EVI5L: variants seen among roughly 807,000 people sequenced by gnomAD.
The protein encoded by EVI5L is EVI5-like protein.
Under a neutral mutation model 106.1 loss-of-function variants are expected in EVI5L, and 30 were observed. The observed-to-expected ratio is 0.28, with a 90% CI of 0.21 to 0.38. The LOEUF is 0.38. Among genes scored for constraint, EVI5L ranks in the 10% least tolerant of loss-of-function variants. EVI5L has a pLI of 1.00. For synonymous variants in EVI5L, 489 were observed against 483.3 expected (o/e 1.01, Z -0.15); for missense variants, 809 against 1,098.0 (o/e 0.74, Z 3.72).
chr19:7,861,757 T>TC, intron 14 of EVI5L, 121 bp from the exon 15 acceptor site: 1 of 1,326,208 alleles, frequency 7.5e-7, no homozygotes, highest in Non-Finnish European at 1.0e-6. Flanking sequence ...GGGGTCGCCC[T>TC]CCCCCATCTG....
Position 7,858,407 on chromosome 19 carries a change from G to A in EVI5L, c.1374+76G>A. On this transcript the variant is annotated intron_variant, in intron 13 of 19. Coordinates refer to ENST00000538904, the MANE Select transcript of EVI5L (RefSeq NM_001159944.3). The surrounding 1 kb of genome is among the most constrained non-coding windows in gnomAD (Gnocchi z 5.7). ...GCCCCCGCCCAACGGTTTTCTTTCA[G>A]GGCTCATAATCTGCCCCGCCTCAGC... 2 of 1,473,432 alleles carry A rather than the reference G, an allele frequency of 1.4e-6. No homozygotes were observed. The highest frequency in any genetic ancestry group is 1.8e-6 in the Non-Finnish European group (2 of 1,116,830). The allele number at this position is 1,473,432 out of a possible 1,614,324, so 91.3% of individuals were successfully genotyped here.
At chr19:7,851,246 G>A (rs1434508333) in intron 6 of EVI5L, among the ~76,000 whole-genome samples, 188 bp from the exon 7 acceptor site, 1 of 152,136 alleles carries the variant, frequency 6.6e-6, no homozygotes, top group Admixed American at 6.5e-5. Context: ...CCCACCCCGT[G>A]CTACTCAAAG....
Position 7,846,794 on chromosome 19 carries a change from C to A in EVI5L, c.137+115C>A. 5.9e-6 allele frequency: 8 copies of A among 1,366,040 alleles called. No homozygotes were observed. In the East Asian group the frequency reaches 1.7e-4, roughly 30 times the overall value. The allele number at this position is 1,366,040 out of a possible 1,614,324, so 84.6% of individuals were successfully genotyped here. Reference sequence around the variant, plus strand: ...GGCCCAGTGTGTGCAATGTGACAGCCACCTCCAGATGCTGGATGAGGGACA... The same window carrying A: ...GGCCCAGTGTGTGCAATGTGACAGCAACCTCCAGATGCTGGATGAGGGACA... On this transcript the variant is annotated intron_variant, in intron 2 of 19. Transcript: ENST00000538904.
rs1182534376 is a variant in EVI5L, at chr19:7,863,709, G to A, written c.*7G>A. Reference sequence around the variant, plus strand: ...CCAGGGTCTGGACAACTGAGGCCATGCCCAGCGCGCCCGGAGTCAGGAGGC... The same window carrying A: ...CCAGGGTCTGGACAACTGAGGCCATACCCAGCGCGCCCGGAGTCAGGAGGC... On this transcript the variant is annotated 3_prime_UTR_variant, in exon 20 of 20. Transcript: ENST00000538904. The surrounding 1 kb of genome is among the most constrained non-coding windows in gnomAD (Gnocchi z 7.7). 9 of 1,456,166 alleles carry A rather than the reference G, an allele frequency of 6.2e-6. No homozygotes were observed. The Admixed American group carries it at 7.6e-5, about 12-fold the overall frequency. 90.2% of individuals were successfully genotyped at this position (1,456,166 alleles called of 1,614,324 possible).
At position 7,856,333 on chromosome 19, in the gene EVI5L, G is replaced by C. The variant is rs534688568; in HGVS notation, c.1200+265G>C. Among the ~76,000 whole-genome samples, 1 of 152,186 alleles carries C rather than the reference G, an allele frequency of 6.6e-6. No homozygotes were observed. The highest frequency in any genetic ancestry group is 1.9e-4 in the East Asian group (1 of 5,168). The stretch of plus-strand genomic sequence containing the variant: ...CCACGGGAATCCATTTGTGTTCTGT[G>C]CCCTCCCCGGCTGCACAGACGGGGA... On this transcript the variant is annotated intron_variant, in intron 11 of 19. Transcript: ENST00000538904. This position sits in a 1 kb window ranked among gnomAD's most constrained non-coding sequence, Gnocchi z 6.6.
chr19:7,836,191 C>T (rs1156335192), intron 1 of EVI5L, among the ~76,000 whole-genome samples: 1 of 151,224 alleles, frequency 6.6e-6, no homozygotes, highest in African/African-American at 2.4e-5. Flanking sequence ...GAGCCAAGAT[C>T]GTGCAACTGC....
chr19:7,852,909 C>G (rs1979325316), intron 8 of EVI5L, 177 bp from the exon 9 acceptor site: 2 of 625,628 alleles, frequency 3.2e-6, no homozygotes, highest in South Asian at 3.7e-5. Context: ...CCCCCATTCC[C>G]TCCCCTCACG....
At chr19:7,862,737 A>C (rs1332171731) in intron 17 of EVI5L, among the ~76,000 whole-genome samples, 174 of 23,200 alleles carry the variant, frequency 7.5e-3, no homozygotes, top group Middle Eastern at 0.028. Flanking sequence ...CCGCCTCCTG[A>C]CCACCCCCCC....
Position 7,858,157 on chromosome 19 carries a change from G to A in EVI5L, c.1234-34G>A. 6.5e-7 allele frequency: 1 copy of A among 1,543,936 alleles called. No homozygotes were observed. Among genetic ancestry groups the A allele is most frequent in the Non-Finnish European group, 8.7e-7 (1 of 1,143,330 alleles). On this transcript the variant is annotated intron_variant, in intron 12 of 19. Transcript: ENST00000538904. This position sits in a 1 kb window ranked among gnomAD's most constrained non-coding sequence, Gnocchi z 5.7. ...CCTTGGGTGGGAGCCGAGGGTCACG[G>A]CCTCCCCCTGCCCCCTGTCCTCGCT...
At chr19:7,854,317 C>T (rs1475283498) in intron 10 of EVI5L, among the ~76,000 whole-genome samples, 1 of 126,114 alleles carries the variant, frequency 7.9e-6, no homozygotes, top group African/African-American at 2.8e-5. Context: ...AGAAAAAAAA[C>T]ATTTATTGAG....
rs1568245581 is a variant in EVI5L, at chr19:7,862,123, C to G, written c.1646C>G (p.Ala549Gly). 6.4e-7 allele frequency: 1 copy of G among 1,565,980 alleles called. No homozygotes were observed. Residue 549 changes from alanine (A) to glycine (G), a missense_variant and splice_region_variant, in exon 16 of 20, where the codon GCC becomes GGC. By Grantham distance (60) the Ala-to-Gly change is moderately conservative. Transcript: ENST00000538904. ...CGGCTTCTCGGCTTCACCCCCCAGG[C>G]CCATCTGGCCCGCGGCGGCCGCTGG... Reference protein sequence around the residue: ...QLQELSDTWQAHLARGGRWKE... With the variant: ...QLQELSDTWQGHLARGGRWKE...
At chr19:7,839,003 A>AT (rs1491511293) in intron 1 of EVI5L, among the ~76,000 whole-genome samples, 1 of 103,822 alleles carries the variant, frequency 9.6e-6, no homozygotes. Flanking sequence ...CTCTAAAAAG[A>AT]AAAAAAAAAA....
intron 8 of EVI5L, 150 bp from the exon 9 acceptor site, chr19:7,852,936 C>A: frequency 1.4e-6 from 1 of 711,196 alleles, no homozygotes; most frequent in Non-Finnish European, 2.4e-6. Flanking sequence ...CTTTCCATTG[C>A]TCCACAAACA....
rs761828274 is a variant in EVI5L at position 7,862,260 on chromosome 19, G to A, written c.1783G>A (p.Val595Met). ...GGGCCGCGAGCTGCGGCAGCGCGTGGTGGAACTTGAGACGCAGGTGGACTC... is the reference window on the plus strand; with the variant it reads ...GGGCCGCGAGCTGCGGCAGCGCGTGATGGAACTTGAGACGCAGGTGGACTC... ...AEGRELRQRV[V>M]ELETQDHIHR... Residue 595 changes from valine (V) to methionine (M), a missense_variant, in exon 16 of 20, where the codon GTG (valine) becomes ATG (methionine). Around this residue, in one of 2 missense-constraint regions of EVI5L, gnomAD observed 452 missense variants for 509.9 expected, o/e 0.89. Transcript: ENST00000538904. The A allele has an allele frequency of 1.9e-6, 3 of 1,579,780 alleles. No individual in the cohort carries two copies. The highest frequency in any genetic ancestry group is 2.6e-6 in the Non-Finnish European group (3 of 1,163,214).
intron 14 of EVI5L, among the ~76,000 whole-genome samples, chr19:7,861,533 A>G (rs1979798966): frequency 6.6e-6 from 1 of 152,238 alleles, no homozygotes; most frequent in African/African-American, 2.4e-5. Flanking sequence ...CAGAGGGCAG[A>G]CAGGGTGTTT....
At position 7,845,180 on chromosome 19, in the gene EVI5L, G is replaced by A. The variant is rs900681590; in HGVS notation, c.-47-1316G>A. On this transcript the variant is annotated intron_variant, in intron 1 of 19. Coordinates refer to ENST00000538904, the MANE Select transcript of EVI5L (RefSeq NM_001159944.3). The surrounding 1 kb of genome is among the most constrained non-coding windows in gnomAD (Gnocchi z 4.0). The stretch of plus-strand genomic sequence containing the variant: ...GCAGACTCCTGCTACAGAGCGTGCC[G>A]GGCAGTGGGCGGGCATGAGGAGCCG... Among the ~76,000 whole-genome samples the A allele has an allele frequency of 1.3e-5, 2 of 152,162 alleles. No individual in the cohort carries two copies. The highest frequency in any genetic ancestry group is 2.9e-5 in the Non-Finnish European group (2 of 68,012).
At chr19:7,861,774 C>T (rs980163019) in intron 14 of EVI5L, 104 bp from the exon 15 acceptor site, 1 of 1,457,730 alleles carries the variant, frequency 6.9e-7, no homozygotes, top group African/African-American at 1.4e-5. Flanking sequence ...TCTGAGCCGC[C>T]CAAGGCAGAG....
At chr19:7,853,044 G>T in intron 8 of EVI5L, 42 bp from the exon 9 acceptor site, 1 of 1,610,156 alleles carries the variant, frequency 6.2e-7, no homozygotes, top group Non-Finnish European at 8.5e-7. Flanking sequence ...GGTGGTCAGG[G>T]CCTGCATGTT....
At position 7,857,844 on chromosome 19, in the gene EVI5L, C is replaced by T. The variant is rs551386789; in HGVS notation, c.1234-347C>T. 2.2e-5 allele frequency: 6 copies of T among 276,036 alleles called. No homozygotes were observed. Among genetic ancestry groups the T allele is most frequent in the African/African-American group, 8.9e-5 (4 of 45,022 alleles). The allele number at this position is 276,036 out of a possible 1,614,324, so 17.1% of individuals were successfully genotyped here. ...GCTGTCCCCAGATCCTCACCCTCAC[C>T]GGCAGAGTCTGGCATGAATAGGCAC... On this transcript the variant is annotated intron_variant, in intron 12 of 19. Transcript: ENST00000538904. This position sits in a 1 kb window ranked among gnomAD's most constrained non-coding sequence, Gnocchi z 4.5.
Sources: gnomAD v4.1 joint callset for allele counts (sites outside exome capture counted in the v4.1 genomes callset) on GRCh38, gnomAD v4.1.1 for gene constraint, gnomAD v4.1.1 regional missense constraint, Gnocchi (gnomAD v3.1) non-coding constraint, MANE v1.5 for transcripts, NCBI Gene and HGNC (gene_info 2026-07-23, HGNC 2026-07-21) for gene names.